Variants in TRAF3IP1 observed in about 807,000 individuals in gnomAD.
The protein encoded by TRAF3IP1 is intraflagellar transport 54.
TRAF3IP1 carries 53 observed loss-of-function variants against 89.9 expected under a neutral mutation model. The observed-to-expected ratio is 0.59, with a 90% CI of 0.47 to 0.74. TRAF3IP1 has a LOEUF of 0.74. Among genes scored for constraint, TRAF3IP1 ranks in the 30% least tolerant of loss-of-function variants. TRAF3IP1 has a pLI of 0.00. For missense variants in TRAF3IP1, 806 were observed against 866.1 expected, an observed-to-expected ratio of 0.93 and a Z score of 0.87; for synonymous variants, 311 against 322.1, an observed-to-expected ratio of 0.97 and a Z score of 0.37.
intron 8 of TRAF3IP1, among the ~76,000 whole-genome samples, chr2:238,338,817 A>G (rs963256019): frequency 5.3e-5 from 8 of 152,338 alleles, no homozygotes; most frequent in Admixed American, 2.6e-4. Flanking sequence ...TCTACTCAGA[A>G]AATGCTCGCA....
intron 15 of TRAF3IP1, among the ~76,000 whole-genome samples, chr2:238,384,164 C>T (rs1267250781): frequency 2.0e-5 from 3 of 152,092 alleles, no homozygotes; most frequent in Non-Finnish European, 4.4e-5. Flanking sequence ...GTCATCCCCA[C>T]ACAAGATCTG....
At chr2:238,374,164 T>C (rs1700221507) in intron 15 of TRAF3IP1, among the ~76,000 whole-genome samples, 1 of 152,240 alleles carries the variant, frequency 6.6e-6, no homozygotes, top group African/African-American at 2.4e-5. Context: ...CTTCCAACAC[T>C]GTGTTGAATA....
In TRAF3IP1 at chr2:238,357,589, C is replaced by A. The variant is rs111916831; in HGVS notation, c.1689+1509C>A. Among the ~76,000 whole-genome samples, 4 of 152,300 alleles carry A rather than the reference C, an allele frequency of 2.6e-5. No homozygotes were observed. In the East Asian group the frequency reaches 7.7e-4, roughly 29 times the overall value. ...AATAATAACTGGAGAATGTTGTCGG[C>A]GGAGGCTTTGCTGACAGCACCACTG... On this transcript the variant is annotated intron_variant, in intron 15 of 16. Coordinates refer to ENST00000373327, the MANE Select transcript of TRAF3IP1 (RefSeq NM_015650.4).
At chr2:238,380,570 G>A (rs1267179682) in intron 15 of TRAF3IP1, among the ~76,000 whole-genome samples, 3 of 152,116 alleles carry the variant, frequency 2.0e-5, no homozygotes, top group Admixed American at 6.5e-5. Flanking sequence ...TCTTCTTCTC[G>A]AGCATGTGGA....
At chr2:238,387,143 C>G (rs567922319) in intron 15 of TRAF3IP1, among the ~76,000 whole-genome samples, 1 of 152,202 alleles carries the variant, frequency 6.6e-6, no homozygotes, top group East Asian at 1.9e-4. Flanking sequence ...CAAGATGATA[C>G]AGACAGTAAG....
chr2:238,321,082 G>A (rs1286002671), intron 1 of TRAF3IP1, among the ~76,000 whole-genome samples: 1 of 152,206 alleles, frequency 6.6e-6, no homozygotes, highest in Non-Finnish European at 1.5e-5. Flanking sequence ...CCCTGCCTGG[G>A]AGCCCGGCCT....
At chr2:238,358,992 G>A (rs141726927) in intron 15 of TRAF3IP1, among the ~76,000 whole-genome samples, 245 of 152,260 alleles carry the variant, frequency 1.6e-3, no homozygotes, top group African/African-American at 5.7e-3. Context: ...TGCAACTATT[G>A]AATTCTGCCG....
At chr2:238,392,679 G>A (rs1216195357) in intron 15 of TRAF3IP1, among the ~76,000 whole-genome samples, 1 of 152,078 alleles carries the variant, frequency 6.6e-6, no homozygotes, top group African/African-American at 2.4e-5. Flanking sequence ...CGGGTTCAAG[G>A]GATTCTTCTG....
intron 9 of TRAF3IP1, among the ~76,000 whole-genome samples, chr2:238,346,792 C>A (rs75825919): frequency 1.3e-5 from 2 of 152,166 alleles, no homozygotes; most frequent in African/African-American, 4.8e-5. Flanking sequence ...TCTGCAAATG[C>A]GTTCGTGCAT....
intron 15 of TRAF3IP1, among the ~76,000 whole-genome samples, chr2:238,378,271 C>T (rs1700403358): frequency 1.3e-5 from 2 of 152,132 alleles, no homozygotes; most frequent in African/African-American, 2.4e-5. Context: ...TTTTATTTAG[C>T]CTTTTAAGAA....
rs1698842813 is a variant in TRAF3IP1 at position 238,345,352 on chromosome 2, G to A, written c.1261+754G>A. Among the ~76,000 whole-genome samples the A allele has an allele frequency of 6.6e-6, 1 of 152,246 alleles. No individual in the cohort carries two copies. Among genetic ancestry groups the A allele is most frequent in the Admixed American group, 6.5e-5 (1 of 15,292 alleles). Reference sequence around the variant, plus strand: ...ACCGAAATCGTTTGATGGGGTGGCAGTCTGGGACGGGAGGGGCCTTGGTTG... The same window carrying A: ...ACCGAAATCGTTTGATGGGGTGGCAATCTGGGACGGGAGGGGCCTTGGTTG... On this transcript the variant is annotated intron_variant, in intron 9 of 16. Coordinates refer to ENST00000373327, the MANE Select transcript of TRAF3IP1 (RefSeq NM_015650.4). This position sits in a 1 kb window ranked among gnomAD's most constrained non-coding sequence, Gnocchi z 4.7.
chr2:238,328,925 G>A lies in TRAF3IP1; in HGVS notation c.499-1G>A. The A allele has an allele frequency of 6.4e-7, 1 of 1,567,764 alleles. No individual in the cohort carries two copies. Among genetic ancestry groups the A allele is most frequent in the South Asian group, 1.2e-5 (1 of 84,242 alleles). On this transcript the variant is annotated splice_acceptor_variant, in intron 4 of 16. Coordinates refer to ENST00000373327, the MANE Select transcript of TRAF3IP1 (RefSeq NM_015650.4). LOFTEE classifies it high-confidence loss of function. The stretch of plus-strand genomic sequence containing the variant: ...TAAATGATTTTATTTTTATTTCGTA[G>A]GATAGAGGAGACGCTGAAATAAAAG...
rs1433235327 is a variant in TRAF3IP1 at position 238,349,372 on chromosome 2, A to G, written c.1415A>G (p.Lys472Arg). ...GCAAGACCAGCCCCTCCCCGGGTCAAACGGCAAGACAGCATGGAGGCGCTA... is the reference window on the plus strand; with the variant it reads ...GCAAGACCAGCCCCTCCCCGGGTCAGACGGCAAGACAGCATGGAGGCGCTA... Reference protein sequence around the residue: ...GSARPAPPRVKRQDSMEALQM... With the variant: ...GSARPAPPRVRRQDSMEALQM... The change falls in exon 12 of 17, where the codon AAA (lysine) becomes AGA (arginine). Residue 472 changes from lysine (K) to arginine (R), a missense_variant. Physicochemically the swap from Lys to Arg is conservative, Grantham distance 26. This residue lies in a region of TRAF3IP1 where 732 missense variants were observed against 780.5 expected (regional missense o/e 0.94). Transcript: ENST00000373327. The G allele has an allele frequency of 1.2e-6, 2 of 1,614,218 alleles. No individual in the cohort carries two copies. Among genetic ancestry groups the G allele is most frequent in the East Asian group, 2.2e-5 (1 of 44,888 alleles).
At chr2:238,326,566 C>G (rs1238562174) in intron 3 of TRAF3IP1, among the ~76,000 whole-genome samples, 2 of 152,138 alleles carry the variant, frequency 1.3e-5, no homozygotes, top group African/African-American at 4.8e-5. Context: ...AGGCCTCAGG[C>G]TTCTCTAGTT....
chr2:238,374,113 A>T (rs1314766954), intron 15 of TRAF3IP1, among the ~76,000 whole-genome samples: 1 of 152,142 alleles, frequency 6.6e-6, no homozygotes, highest in Non-Finnish European at 1.5e-5. Context: ...CTAATTGAAT[A>T]CCCTTTATTT....
At chr2:238,363,903 C>T (rs935234872) in intron 15 of TRAF3IP1, among the ~76,000 whole-genome samples, 20 of 152,080 alleles carry the variant, frequency 1.3e-4, no homozygotes, top group Non-Finnish European at 1.3e-4. Context: ...GAAGTTGCAG[C>T]GAGCCGAGAC....
rs576085307 is a variant in TRAF3IP1, at chr2:238,397,308, C to G, written c.1690-151C>G. On this transcript the variant is annotated intron_variant, in intron 15 of 16. Transcript: ENST00000373327. ...TTACTCTGTTAGGCAGCATGGCTCT[C>G]CCTTTGCATGGGAGTGAGTGTCCCA... 1.1e-5 allele frequency: 7 copies of G among 647,458 alleles called. No homozygotes were observed. The African/African-American group carries it at 1.1e-4, about 10-fold the overall frequency. 40.1% of individuals were successfully genotyped at this position (647,458 alleles called of 1,614,324 possible).
rs535654841 is a variant in TRAF3IP1, at chr2:238,351,534, C to G, written c.1452-1293C>G. 6.6e-6 allele frequency among the ~76,000 whole-genome samples: 1 copy of G among 151,918 alleles called. No homozygotes were observed. Among genetic ancestry groups the G allele is most frequent in the Non-Finnish European group, 1.5e-5 (1 of 67,982 alleles). On this transcript the variant is annotated intron_variant, in intron 12 of 16. Transcript: ENST00000373327. This position sits in a 1 kb window ranked among gnomAD's most constrained non-coding sequence, Gnocchi z 5.2. The stretch of plus-strand genomic sequence containing the variant: ...GCAAGGCGGGACAGAGAGGGCCTGC[C>G]GATCACGGCAGGCACAGGGGCGCAG...
At chr2:238,324,939 T>C (rs2106357978) in intron 1 of TRAF3IP1, among the ~76,000 whole-genome samples, 1 of 152,264 alleles carries the variant, frequency 6.6e-6, no homozygotes, top group East Asian at 1.9e-4. Context: ...GCATCCGAAA[T>C]GTCCCCTTGC....
Sources: gnomAD v4.1 joint callset for allele counts (sites outside exome capture counted in the v4.1 genomes callset) on GRCh38, gnomAD v4.1.1 for gene constraint, gnomAD v4.1.1 regional missense constraint, Gnocchi (gnomAD v3.1) non-coding constraint, MANE v1.5 for transcripts, NCBI Gene and HGNC (gene_info 2026-07-23, HGNC 2026-07-21) for gene names.